Variants in PIK3R4 observed in about 807,000 individuals in gnomAD.
PIK3R4 encodes the protein phosphoinositide 3-kinase regulatory subunit 4.
In PIK3R4, 46 loss-of-function variants were observed where a neutral mutation model predicts 136.5. The ratio of observed to expected loss-of-function variants is 0.34; its 90% CI spans 0.27 to 0.43. The LOEUF (loss-of-function observed/expected upper bound fraction) is 0.43. Ranked by LOEUF, PIK3R4 falls within the 20% of genes least tolerant of loss-of-function variation. The pLI is 1.00. For synonymous variants in PIK3R4, 557 were observed against 566.7 expected, an observed-to-expected ratio of 0.98 and a Z score of 0.24; for missense variants, 1,331 against 1,649.5, an observed-to-expected ratio of 0.81 and a Z score of 3.35.
intron 13 of PIK3R4, among the ~76,000 whole-genome samples, chr3:130,699,738 A>C (rs1208431034): frequency 2.6e-5 from 4 of 152,130 alleles, no homozygotes; most frequent in Non-Finnish European, 5.9e-5. Flanking sequence ...GCTTTTCTTA[A>C]ACCTAATTTT....
At chr3:130,721,526 GGT>G (rs1313059791) in intron 7 of PIK3R4, among the ~76,000 whole-genome samples, 6 of 152,054 alleles carry the variant, frequency 3.9e-5, no homozygotes, top group Admixed American at 1.3e-4. Flanking sequence ...TAAAAAAAAT[GGT>G]GTATATAACA....
At chr3:130,681,385 A>G (rs2066457280) in intron 17 of PIK3R4, 106 bp downstream of exon 17, 1 of 777,948 alleles carries the variant, frequency 1.3e-6, no homozygotes. Flanking sequence ...ACCCAAATTT[A>G]AACATAACCC....
At chr3:130,695,240 G>C (rs1281073578) in intron 13 of PIK3R4, among the ~76,000 whole-genome samples, 1 of 152,084 alleles carries the variant, frequency 6.6e-6, no homozygotes, top group Admixed American at 6.5e-5. Context: ...CTTGTGAACT[G>C]TTTATCTGGC....
intron 11 of PIK3R4, among the ~76,000 whole-genome samples, chr3:130,706,444 T>C (rs72998226): frequency 0.024 from 3,591 of 152,290 alleles, 162 homozygotes; most frequent in African/African-American, 0.08. Context: ...GTACCGGAAG[T>C]ACAGTTTCTA....
chr3:130,679,189 C>CA lies in PIK3R4; in HGVS notation c.*125dup. The CA allele has an allele frequency of 1.9e-6, 1 of 528,260 alleles. No individual in the cohort carries two copies. The highest frequency in any genetic ancestry group is 3.7e-5 in the Admixed American group (1 of 26,698). 32.7% of individuals were successfully genotyped at this position (528,260 alleles called of 1,614,324 possible). A position where few individuals can be genotyped will look rare whatever the true frequency, so the allele number is the denominator to read the frequency against. ...TTTGGGTGTCATTTAGTCAGTCAGTCATGAAACAGTAATATGGAGACATAA... is the reference window on the plus strand; with the variant it reads ...TTTGGGTGTCATTTAGTCAGTCAGTCAATGAAACAGTAATATGGAGACATAA... On this transcript the variant is annotated 3_prime_UTR_variant, in exon 20 of 20. Transcript: ENST00000356763.
At position 130,680,744 on chromosome 3, in the gene PIK3R4, T is replaced by C. The variant is rs779665349; in HGVS notation, c.3798-23A>G. ...AACCTAGGAAAGAGGAAATAAATGA[T>C]GACAATCTCTTCAGGACAATGGGAG... On this transcript the variant is annotated intron_variant, in intron 18 of 19. Coordinates refer to ENST00000356763, the MANE Select transcript of PIK3R4 (RefSeq NM_014602.3). 8.5e-6 allele frequency: 12 copies of C among 1,407,648 alleles called. No homozygotes were observed. The African/African-American group carries it at 1.3e-4, about 15-fold the overall frequency. The allele number at this position is 1,407,648 out of a possible 1,614,324, so 87.2% of individuals were successfully genotyped here. A position where few individuals can be genotyped will look rare whatever the true frequency, so the allele number is the denominator to read the frequency against.
rs779015297 is a variant in PIK3R4, at chr3:130,681,514, C to T, written c.3685G>A (p.Ala1229Thr). ...ACCTGTAATTCAGAAAGTGGTGGTG[C>T]ACTGCTGGCCCAGAGAGTAAATCTT... Reference protein sequence around the residue: ...DRRFTLWASSAPPLSELQPSP... With the variant: ...DRRFTLWASSTPPLSELQPSP... The change falls in exon 17 of 20, where the codon GCA (alanine) becomes ACA (threonine). Residue 1229 changes from alanine to threonine, a missense_variant. By Grantham distance (58) the Ala-to-Thr change is moderately conservative. Around this residue, in one of 2 missense-constraint regions of PIK3R4, gnomAD observed 1,180 missense variants for 1,407.0 expected, o/e 0.84. Transcript: ENST00000356763. The T allele has an allele frequency of 3.1e-6, 5 of 1,608,554 alleles. No homozygotes were observed. In the Admixed American group the frequency reaches 5.0e-5, roughly 16 times the overall value.
At chr3:130,716,713 A>G in intron 8 of PIK3R4, 114 bp from the exon 9 acceptor site, 2 of 668,138 alleles carry the variant, frequency 3.0e-6, no homozygotes, top group South Asian at 2.0e-5. Context: ...AGAAAATAAG[A>G]TATCAACATC....
chr3:130,699,918 A>G (rs1410805741), intron 13 of PIK3R4, among the ~76,000 whole-genome samples: 1 of 152,180 alleles, frequency 6.6e-6, no homozygotes, highest in Non-Finnish European at 1.5e-5. Flanking sequence ...CTTGTGATAC[A>G]TATATTGTAA....
At chr3:130,727,217 T>C (rs1380551016) in intron 6 of PIK3R4, among the ~76,000 whole-genome samples, 1 of 151,942 alleles carries the variant, frequency 6.6e-6, no homozygotes, top group Non-Finnish European at 1.5e-5. Context: ...GAACCAAAAC[T>C]TAAAGTCTTT....
At chr3:130,688,077 A>G (rs943381126) in intron 14 of PIK3R4, among the ~76,000 whole-genome samples, 4 of 152,216 alleles carry the variant, frequency 2.6e-5, no homozygotes, top group African/African-American at 7.2e-5. Flanking sequence ...GTATACATGT[A>G]TATATTTATG....
intron 13 of PIK3R4, among the ~76,000 whole-genome samples, chr3:130,693,941 AAGTCTAC>A (rs757552009): frequency 2.0e-5 from 3 of 152,134 alleles, no homozygotes; most frequent in Non-Finnish European, 2.9e-5. Context: ...CATTTTGAAT[AAGTCTAC>A]TGAAATTCAT....
chr3:130,721,428 T>C (rs1183223858), intron 7 of PIK3R4, among the ~76,000 whole-genome samples: 7 of 152,028 alleles, frequency 4.6e-5, no homozygotes, highest in Non-Finnish European at 8.8e-5. Context: ...AATTAGTATG[T>C]TGAAGGGATA....
chr3:130,714,196 C>A (rs2066649010), intron 9 of PIK3R4, among the ~76,000 whole-genome samples: 1 of 152,140 alleles, frequency 6.6e-6, no homozygotes, highest in Non-Finnish European at 1.5e-5. Flanking sequence ...ACGTACAAGC[C>A]AAGGTTAAAA....
chr3:130,706,728 C>A (rs2066608042), intron 11 of PIK3R4, among the ~76,000 whole-genome samples: 1 of 152,144 alleles, frequency 6.6e-6, no homozygotes, highest in South Asian at 2.1e-4. Context: ...CACTGTATTG[C>A]CAAGTACTCT....
At chr3:130,727,960 A>G (rs991323601) in intron 6 of PIK3R4, among the ~76,000 whole-genome samples, 3 of 144,830 alleles carry the variant, frequency 2.1e-5, no homozygotes, top group African/African-American at 8.3e-5. Context: ...AATGCTGCTT[A>G]AATTTTCACA....
At chr3:130,708,940 T>G (rs1163727347) in intron 9 of PIK3R4, among the ~76,000 whole-genome samples, 1 of 152,168 alleles carries the variant, frequency 6.6e-6, no homozygotes, top group Non-Finnish European at 1.5e-5. Flanking sequence ...TTATATTGAA[T>G]GAGTATGTAA....
At chr3:130,724,594 CAACT>C (rs2066721210) in intron 6 of PIK3R4, among the ~76,000 whole-genome samples, 1 of 151,828 alleles carries the variant, frequency 6.6e-6, no homozygotes, top group East Asian at 1.9e-4. Context: ...TCTCAATTCT[CAACT>C]AACCAAACAA....
intron 2 of PIK3R4, among the ~76,000 whole-genome samples, chr3:130,738,875 C>G (rs1178100664): frequency 6.6e-6 from 1 of 151,952 alleles, no homozygotes; most frequent in African/African-American, 2.4e-5. Context: ...ATAAATGGGG[C>G]AAAACAGAGG....
Sources: allele counts gnomAD v4.1 joint callset (sites outside exome capture counted in the v4.1 genomes callset), GRCh38; gene constraint gnomAD v4.1.1; regional missense constraint gnomAD v4.1.1; transcripts MANE v1.5; gene names NCBI Gene and HGNC (gene_info 2026-07-23, HGNC 2026-07-21).